The following MTUS2 variants were observed in gnomAD, a reference collection of about 807,000 sequenced individuals.
MTUS2 encodes microtubule-associated tumor suppressor candidate 2.
Under a neutral mutation model 114.1 loss-of-function variants are expected in MTUS2, and 40 were observed. That is an observed-to-expected ratio of 0.35 (90% CI 0.27 to 0.46). The LOEUF (loss-of-function observed/expected upper bound fraction) is 0.46. MTUS2 is among the 20% of genes least tolerant of loss of function. The probability of loss-of-function intolerance (pLI) is 1.00; values close to 1 mark genes in which losing one functional copy is unlikely to be tolerated. For synonymous variants in MTUS2, 688 were observed against 672.0 expected (o/e 1.02, Z -0.37); for missense variants, 1,679 against 1,705.4 (o/e 0.98, Z 0.27).
chr13:29,268,441 C>T (rs190648347), intron 5 of MTUS2, among the ~76,000 whole-genome samples: 17 of 152,236 alleles, frequency 1.1e-4, no homozygotes, highest in South Asian at 2.1e-4. Context: ...CGAGTCTTCA[C>T]GATGCTCCCG....
chr13:28,941,017 A>T (rs1462837703), intron 2 of MTUS2, among the ~76,000 whole-genome samples: 2 of 152,012 alleles, frequency 1.3e-5, no homozygotes, highest in East Asian at 3.9e-4. Flanking sequence ...GGACATAAAG[A>T]GGGAATGATA....
intron 5 of MTUS2, among the ~76,000 whole-genome samples, chr13:29,190,773 G>T (rs960033437): frequency 2.6e-5 from 4 of 152,176 alleles, no homozygotes; most frequent in Admixed American, 6.5e-5. Context: ...CAGGATGATG[G>T]TATTATGGTC....
Position 29,018,496 on chromosome 13 carries a change from C to T in MTUS2, c.-242-5961C>T, listed in dbSNP as rs1173390243. Reference sequence around the variant, plus strand: ...ATTTAGAAATGTATGTGCATTTGGCCGGGCCCAGTGGCTCATGCCTGTAAT... The same window carrying T: ...ATTTAGAAATGTATGTGCATTTGGCTGGGCCCAGTGGCTCATGCCTGTAAT... On this transcript the variant is annotated intron_variant, in intron 2 of 15. Transcript: ENST00000612955. 3.3e-5 allele frequency among the ~76,000 whole-genome samples: 5 copies of T among 152,134 alleles called. No homozygotes were observed. In the East Asian group the frequency reaches 7.7e-4, roughly 23 times the overall value.
chr13:29,097,497 A>C (rs566081297), intron 4 of MTUS2, among the ~76,000 whole-genome samples: 233 of 152,332 alleles, frequency 1.5e-3, no homozygotes, highest in Non-Finnish European at 2.7e-3. Context: ...TTTCTGTCAA[A>C]GTCTATATTC....
intron 2 of MTUS2, among the ~76,000 whole-genome samples, chr13:29,012,561 TAGAAAG>T (rs1185823512): frequency 2.0e-5 from 3 of 152,102 alleles, no homozygotes; most frequent in South Asian, 4.1e-4. Context: ...GGTGACTACT[TAGAAAG>T]AGATATGCTA....
At chr13:29,290,991 T>C (rs1269886260) in intron 6 of MTUS2, among the ~76,000 whole-genome samples, 1 of 152,200 alleles carries the variant, frequency 6.6e-6, no homozygotes, top group Non-Finnish European at 1.5e-5. Context: ...TGTGTCTTGT[T>C]GCAGATGGTC....
chr13:29,080,310 C>T (rs114335465), intron 4 of MTUS2, among the ~76,000 whole-genome samples: 1,592 of 151,890 alleles, frequency 0.01, 25 homozygotes, highest in African/African-American at 0.037. Context: ...GGAAAAAAAC[C>T]CCAAACTACT....
intron 2 of MTUS2, among the ~76,000 whole-genome samples, chr13:28,890,318 T>A (rs556597864): frequency 6.6e-6 from 1 of 152,352 alleles, no homozygotes; most frequent in South Asian, 2.1e-4. Flanking sequence ...CTGGATTCTA[T>A]CCTGTTTGGC....
intron 5 of MTUS2, among the ~76,000 whole-genome samples, chr13:29,152,134 C>G (rs1056502639): frequency 4.6e-5 from 7 of 152,078 alleles, no homozygotes; most frequent in African/African-American, 1.7e-4. Context: ...CTTTGTGTGT[C>G]TGGTAGAATT....
chr13:28,997,773 C>T (rs1246102592), intron 2 of MTUS2, among the ~76,000 whole-genome samples: 1 of 151,890 alleles, frequency 6.6e-6, no homozygotes, highest in Non-Finnish European at 1.5e-5. Context: ...TTATTTTGAG[C>T]CTATGTGTGT....
Position 29,467,832 on chromosome 13 carries a change from C to T in MTUS2, c.3185-12318C>T, listed in dbSNP as rs138357701. 7.6e-3 allele frequency among the ~76,000 whole-genome samples: 1,155 copies of T among 152,278 alleles called. 4 individuals carry two copies. Among genetic ancestry groups the T allele is most frequent in the Non-Finnish European group, 0.012 (831 of 68,030 alleles). On this transcript the variant is annotated intron_variant, in intron 9 of 15. Transcript: ENST00000612955. Reference sequence around the variant, plus strand: ...CTCTAGTTTAAGAATGCATAAAATGCGGCCAGGCGCAGTGGCTCACGCCTG... The same window carrying T: ...CTCTAGTTTAAGAATGCATAAAATGTGGCCAGGCGCAGTGGCTCACGCCTG...
At chr13:29,460,168 AAC>A (rs1879382921) in intron 9 of MTUS2, among the ~76,000 whole-genome samples, 1 of 152,228 alleles carries the variant, frequency 6.6e-6, no homozygotes, top group Non-Finnish European at 1.5e-5. Context: ...GGCTCAGAGA[AAC>A]AGTCAATTGA....
rs74356990 is a variant in MTUS2, at chr13:29,437,641, G to A, written c.3118-2342G>A. ...AGCAAAATCAGGGCAGACCAGGAAGGTGCTTACAAAAACAGAGCATAAGGC... is the reference window on the plus strand; with the variant it reads ...AGCAAAATCAGGGCAGACCAGGAAGATGCTTACAAAAACAGAGCATAAGGC... On this transcript the variant is annotated intron_variant, in intron 8 of 15. Transcript: ENST00000612955. 8.5e-5 allele frequency among the ~76,000 whole-genome samples: 13 copies of A among 152,246 alleles called. No individual in the cohort carries two copies. In the East Asian group the frequency reaches 2.3e-3, roughly 27 times the overall value.
chr13:28,936,294 A>G (rs1272541351), intron 2 of MTUS2, among the ~76,000 whole-genome samples: 2 of 152,300 alleles, frequency 1.3e-5, no homozygotes, highest in East Asian at 3.9e-4. Flanking sequence ...AACTTGGTTT[A>G]TAAGTTTTCT....
rs1470834464 is a variant in MTUS2 at position 29,256,456 on chromosome 13, G to A, written c.2645-25248G>A. 4.6e-5 allele frequency among the ~76,000 whole-genome samples: 7 copies of A among 152,368 alleles called. No homozygotes were observed. The South Asian group carries it at 6.2e-4, about 14-fold the overall frequency. On this transcript the variant is annotated intron_variant, in intron 5 of 15. Transcript: ENST00000612955. Reference sequence around the variant, plus strand: ...AGCCAGAGGGGCCACAGAGAGGGGCGTGGGCTGAGCCCAGAGTGGGCAAGG... The same window carrying A: ...AGCCAGAGGGGCCACAGAGAGGGGCATGGGCTGAGCCCAGAGTGGGCAAGG...
intron 6 of MTUS2, among the ~76,000 whole-genome samples, chr13:29,305,383 A>G (rs1485759201): frequency 6.6e-6 from 1 of 152,168 alleles, no homozygotes; most frequent in Non-Finnish European, 1.5e-5. Context: ...ATAAAGAGAC[A>G]GGCTGCTGGC....
At chr13:28,828,560 A>G (rs1361377531) in intron 1 of MTUS2, among the ~76,000 whole-genome samples, 2 of 152,324 alleles carry the variant, frequency 1.3e-5, no homozygotes, top group Admixed American at 6.5e-5. Flanking sequence ...TTGGGGAACT[A>G]ATAAATGTCC....
intron 9 of MTUS2, among the ~76,000 whole-genome samples, chr13:29,458,165 C>T (rs908351446): frequency 1.3e-5 from 2 of 152,188 alleles, no homozygotes; most frequent in Admixed American, 6.5e-5. Context: ...GCTGCCTTCA[C>T]CCCAGCCCTT....
At chr13:29,435,546 C>A (rs1877341353) in intron 8 of MTUS2, among the ~76,000 whole-genome samples, 1 of 152,146 alleles carries the variant, frequency 6.6e-6, no homozygotes, top group South Asian at 2.1e-4. Flanking sequence ...AAGGGCCTTG[C>A]AAGATCACAC....
Sources: gnomAD v4.1 joint callset for allele counts (sites outside exome capture counted in the v4.1 genomes callset) on GRCh38, gnomAD v4.1.1 for gene constraint, MANE v1.5 for transcripts, NCBI Gene and HGNC (gene_info 2026-07-23, HGNC 2026-07-21) for gene names.